SLC24A2: variants seen among roughly 807,000 people sequenced by gnomAD.
SLC24A2 encodes sodium/potassium/calcium exchanger 2.
A neutral mutation model predicts 62.0 loss-of-function variants in SLC24A2; 36 were observed. The ratio of observed to expected loss-of-function variants is 0.58; its 90% CI spans 0.44 to 0.77. SLC24A2 has a LOEUF of 0.77. Ranked by LOEUF, SLC24A2 falls within the 30% of genes least tolerant of loss-of-function variation. The pLI is 0.00. For missense variants in SLC24A2, 846 were observed against 817.9 expected, an observed-to-expected ratio of 1.03 and a Z score of -0.42; for synonymous variants, 358 against 294.0, an observed-to-expected ratio of 1.22 and a Z score of -2.23.
At chr9:20,167,740 T>C in the SLC24A2 span, among the ~76,000 whole-genome samples, 11 of 152,024 alleles carry the variant, frequency 7.2e-5, no homozygotes, top group African/African-American at 2.2e-4. Context: ...TAATACAAGA[T>C]ACTGGGTCTC....
At chr9:20,265,539 TCTTTA>T in the SLC24A2 span, among the ~76,000 whole-genome samples, 1 of 152,248 alleles carries the variant, frequency 6.6e-6, no homozygotes. Flanking sequence ...CCTAGGCCTG[TCTTTA>T]CTTTAATCTC....
chr9:19,952,857 C>T, the SLC24A2 span, among the ~76,000 whole-genome samples: 125 of 151,948 alleles, frequency 8.2e-4, no homozygotes, highest in Middle Eastern at 3.4e-3. Context: ...AACTTTTACT[C>T]ATGAAGCCAT....
At chr9:20,128,641 T>A in the SLC24A2 span, among the ~76,000 whole-genome samples, 2 of 152,154 alleles carry the variant, frequency 1.3e-5, no homozygotes, top group East Asian at 3.9e-4. Flanking sequence ...GAATTAAGAA[T>A]CCAGAAACAA....
intron 5 of SLC24A2, among the ~76,000 whole-genome samples, chr9:19,594,578 T>C (rs1339724110): frequency 6.6e-6 from 1 of 152,178 alleles, no homozygotes; most frequent in Non-Finnish European, 1.5e-5. Context: ...GAAACAGTTA[T>C]AAATAAGGAC....
chr9:19,609,118 G>T (rs886604609), intron 4 of SLC24A2, among the ~76,000 whole-genome samples: 2 of 152,268 alleles, frequency 1.3e-5, no homozygotes, highest in Non-Finnish European at 2.9e-5. Flanking sequence ...CCTGCAGCCA[G>T]TGCTCACTGT....
chr9:19,824,935 C>T, the SLC24A2 span, among the ~76,000 whole-genome samples: 1 of 152,106 alleles, frequency 6.6e-6, no homozygotes, highest in Non-Finnish European at 1.5e-5. Context: ...AAACCAAACA[C>T]TGCATGTTCT....
the SLC24A2 span, among the ~76,000 whole-genome samples, chr9:20,105,930 A>G: frequency 6.6e-6 from 1 of 152,344 alleles, no homozygotes; most frequent in Non-Finnish European, 1.5e-5. Context: ...GAAAGGATCA[A>G]CAAAATTGAT....
chr9:20,029,542 C>T, the SLC24A2 span, among the ~76,000 whole-genome samples: 2 of 152,130 alleles, frequency 1.3e-5, no homozygotes, highest in African/African-American at 2.4e-5. Context: ...TATTCTCACC[C>T]CACAGTACTG....
chr9:19,659,579 T>C (rs1819035775), intron 2 of SLC24A2, among the ~76,000 whole-genome samples: 1 of 152,180 alleles, frequency 6.6e-6, no homozygotes, highest in African/African-American at 2.4e-5. Context: ...TTATCCTTTA[T>C]AATAATACTA....
chr9:20,008,814 G>A, the SLC24A2 span, among the ~76,000 whole-genome samples: 3 of 152,158 alleles, frequency 2.0e-5, no homozygotes, highest in Non-Finnish European at 2.9e-5. Context: ...CAGCACTCAG[G>A]GCCTTCAGTT....
chr9:20,049,118 G>A, the SLC24A2 span, among the ~76,000 whole-genome samples: 1 of 152,114 alleles, frequency 6.6e-6, no homozygotes, highest in Non-Finnish European at 1.5e-5. Flanking sequence ...GAAAGGGCTT[G>A]CCTTGGCTTA....
chr9:19,778,653 G>T (rs1373248885), intron 2 of SLC24A2, among the ~76,000 whole-genome samples: 2 of 152,292 alleles, frequency 1.3e-5, no homozygotes, highest in East Asian at 3.9e-4. Flanking sequence ...CAAACATGTA[G>T]CTTAGAATGG....
chr9:19,987,008 A>G, the SLC24A2 span, among the ~76,000 whole-genome samples: 1 of 152,148 alleles, frequency 6.6e-6, no homozygotes, highest in Non-Finnish European at 1.5e-5. Context: ...GAACTCAAGC[A>G]GAGGCCATGA....
At chr9:20,037,327 C>G in the SLC24A2 span, among the ~76,000 whole-genome samples, 1 of 152,124 alleles carries the variant, frequency 6.6e-6, no homozygotes, top group African/African-American at 2.4e-5. Context: ...CAGACTCAAC[C>G]ATCCACTTTT....
rs879527417 is a variant in SLC24A2 at position 19,507,627 on chromosome 9, TCAGACAGC to T, written c.*8518_*8525del. 5 of 152,230 alleles carry T rather than the reference TCAGACAGC, an allele frequency of 3.3e-5. No homozygotes were observed. Among genetic ancestry groups the T allele is most frequent in the Non-Finnish European group, 5.9e-5 (4 of 68,038 alleles). 9.4% of individuals were successfully genotyped at this position (152,230 alleles called of 1,614,324 possible). On this transcript the variant is annotated 3_prime_UTR_variant, in exon 11 of 11. Transcript: ENST00000341998. ...AGTCCATGTGACAGAAGTACATACT[TCAGACAGC>T]CTATGTACAAATAAGTAGAGCTTCC...
the SLC24A2 span, among the ~76,000 whole-genome samples, chr9:20,288,614 C>CA: frequency 1.4e-3 from 205 of 151,834 alleles, 1 homozygote; most frequent in East Asian, 0.013. Context: ...ACTAAAAATA[C>CA]AAAAAATTAG....
In SLC24A2 at chr9:19,786,545, C is replaced by G. The variant is rs148865349; in HGVS notation, c.322G>C (p.Glu108Gln). Residue 108 changes from glutamate (E) to glutamine (Q), a missense_variant, in exon 2 of 11, where the codon GAG becomes CAG. Coordinates refer to ENST00000341998, the MANE Select transcript of SLC24A2 (RefSeq NM_020344.4). This position sits in a 1 kb window ranked among gnomAD's most constrained non-coding sequence, Gnocchi z 5.0. Reference sequence around the variant, plus strand: ...GCGTGATCTGTACTATTCTCAGACTCGCCTTCCTTAGAAAGAGGTGGCTGT... The same window carrying G: ...GCGTGATCTGTACTATTCTCAGACTGGCCTTCCTTAGAAAGAGGTGGCTGT... ...TPQPPLSKEG[E>Q]SENSTDHAQG... 2 of 1,614,174 alleles carry G rather than the reference C, an allele frequency of 1.2e-6. No homozygotes were observed. The highest frequency in any genetic ancestry group is 4.5e-5 in the East Asian group (2 of 44,880).
the SLC24A2 span, among the ~76,000 whole-genome samples, chr9:19,836,365 A>T: frequency 6.6e-6 from 1 of 152,164 alleles, no homozygotes; most frequent in Admixed American, 6.5e-5. Flanking sequence ...AGAAGAATTA[A>T]ACAGACGCAA....
the SLC24A2 span, among the ~76,000 whole-genome samples, chr9:20,192,790 TGCA>T: frequency 2.0e-5 from 3 of 152,172 alleles, no homozygotes; most frequent in African/African-American, 7.2e-5. Flanking sequence ...AATTCCAACA[TGCA>T]GCCAAGGTTG....
Sources: gnomAD v4.1 joint callset for allele counts (sites outside exome capture counted in the v4.1 genomes callset) on GRCh38, gnomAD v4.1.1 for gene constraint, Gnocchi (gnomAD v3.1) non-coding constraint, MANE v1.5 for transcripts, NCBI Gene and HGNC (gene_info 2026-07-23, HGNC 2026-07-21) for gene names.